Variants in PRKG1 observed in about 807,000 individuals in gnomAD.
PRKG1 encodes the protein protein kinase cGMP-dependent 1.
PRKG1 carries 35 observed loss-of-function variants against 88.1 expected under a neutral mutation model. The ratio of observed to expected loss-of-function variants is 0.40; its 90% CI spans 0.30 to 0.53. PRKG1 has a LOEUF of 0.53. Ranked by LOEUF, PRKG1 falls within the 20% of genes least tolerant of loss-of-function variation. The pLI is 0.59. For synonymous variants in PRKG1, 303 were observed against 292.5 expected (o/e 1.04, Z -0.37); for missense variants, 540 against 839.8 (o/e 0.64, Z 4.41).
At chr10:51,935,684 A>T (rs1156846666) in intron 5 of PRKG1, among the ~76,000 whole-genome samples, 1 of 151,896 alleles carries the variant, frequency 6.6e-6, no homozygotes, top group African/African-American at 2.4e-5. Flanking sequence ...ATTTAATATG[A>T]CTCATAATTT....
chr10:51,991,684 T>C (rs889767208), intron 5 of PRKG1, among the ~76,000 whole-genome samples: 11 of 152,206 alleles, frequency 7.2e-5, no homozygotes, highest in African/African-American at 2.4e-4. Context: ...TCCAGCTTCA[T>C]CCATATCCCT....
intron 3 of PRKG1, among the ~76,000 whole-genome samples, chr10:51,801,610 C>G (rs1839175550): frequency 6.6e-6 from 1 of 152,112 alleles, no homozygotes. Context: ...ACATATGCTT[C>G]CCAATATTCT....
At chr10:51,456,312 A>G (rs1349004778) in intron 2 of PRKG1, among the ~76,000 whole-genome samples, 4 of 152,188 alleles carry the variant, frequency 2.6e-5, no homozygotes, top group Non-Finnish European at 4.4e-5. Flanking sequence ...ATTCAAGATG[A>G]GATTTGGGTG....
intron 5 of PRKG1, among the ~76,000 whole-genome samples, chr10:52,008,274 A>T (rs1021035656): frequency 1.3e-5 from 2 of 152,104 alleles, no homozygotes; most frequent in African/African-American, 4.8e-5. Context: ...AAATAATCAA[A>T]ATCAGAGCTG....
At position 51,831,930 on chromosome 10, in the gene PRKG1, G is replaced by A. The variant is rs111368913; in HGVS notation, c.698+27240G>A. Among the ~76,000 whole-genome samples the A allele has an allele frequency of 2.7e-4, 41 of 151,656 alleles. 3 individuals carry two copies. The highest frequency in any genetic ancestry group is 6.8e-3 in the Middle Eastern group (2 of 292). Reference sequence around the variant, plus strand: ...TTGGTAGGAATTCTCTCTAGTTGGTGGGATTATGGATGACTTATTTTTCCG... The same window carrying A: ...TTGGTAGGAATTCTCTCTAGTTGGTAGGATTATGGATGACTTATTTTTCCG... On this transcript the variant is annotated intron_variant, in intron 4 of 17. Coordinates refer to ENST00000373980, the MANE Select transcript of PRKG1 (RefSeq NM_006258.4).
At chr10:51,051,755 CCTG>C (rs1201415157) in intron 1 of PRKG1, among the ~76,000 whole-genome samples, 1 of 152,066 alleles carries the variant, frequency 6.6e-6, no homozygotes, top group East Asian at 1.9e-4. Context: ...AATACACTGG[CCTG>C]CTATCACCTA....
At chr10:51,920,036 C>T (rs924116616) in intron 5 of PRKG1, among the ~76,000 whole-genome samples, 3 of 152,090 alleles carry the variant, frequency 2.0e-5, no homozygotes, top group Non-Finnish European at 4.4e-5. Context: ...TTTATTACCA[C>T]AACTAGATTA....
intron 9 of PRKG1, among the ~76,000 whole-genome samples, chr10:52,209,730 C>T (rs375341692): frequency 2.6e-5 from 4 of 152,050 alleles, no homozygotes; most frequent in East Asian, 1.9e-4. Context: ...CAGCACCATC[C>T]ATCCCCTTCT....
At chr10:51,613,102 A>T (rs114983650) in intron 3 of PRKG1, among the ~76,000 whole-genome samples, 6,091 of 151,494 alleles carry the variant, frequency 0.04, 171 homozygotes, top group Middle Eastern at 0.088. Flanking sequence ...TGATATTAGT[A>T]CTTCTTTATA....
At chr10:51,585,975 A>C (rs1201679999) in intron 3 of PRKG1, among the ~76,000 whole-genome samples, 5 of 152,052 alleles carry the variant, frequency 3.3e-5, no homozygotes, top group African/African-American at 1.2e-4. Flanking sequence ...GGACTAGTAG[A>C]GTGGGGAGGT....
intron 3 of PRKG1, among the ~76,000 whole-genome samples, chr10:51,739,350 G>T (rs1325883932): frequency 6.6e-6 from 1 of 152,094 alleles, no homozygotes; most frequent in Non-Finnish European, 1.5e-5. Context: ...AAACCTAACA[G>T]TATTTACTGT....
In PRKG1 at chr10:51,472,844, G is replaced by A. The variant is rs75940564; in HGVS notation, c.592+5008G>A. On this transcript the variant is annotated intron_variant, in intron 3 of 17. Coordinates refer to ENST00000373980, the MANE Select transcript of PRKG1 (RefSeq NM_006258.4). Reference sequence around the variant, plus strand: ...TAACTGGGCTAATGAGACAGTCTCTGTTCTGCCTTTGAGAGGTAAGTTGAA... The same window carrying A: ...TAACTGGGCTAATGAGACAGTCTCTATTCTGCCTTTGAGAGGTAAGTTGAA... Among the ~76,000 whole-genome samples, 93 of 152,036 alleles carry A rather than the reference G, an allele frequency of 6.1e-4. No homozygotes were observed. The East Asian group carries it at 0.012, about 20-fold the overall frequency.
intron 9 of PRKG1, among the ~76,000 whole-genome samples, chr10:52,218,349 A>G (rs1024872600): frequency 1.3e-5 from 2 of 152,114 alleles, no homozygotes; most frequent in Non-Finnish European, 2.9e-5. Context: ...TTGAGGTAGC[A>G]AGCACAAGGC....
chr10:51,395,840 T>A (rs968355808), intron 2 of PRKG1, among the ~76,000 whole-genome samples: 27 of 152,138 alleles, frequency 1.8e-4, no homozygotes, highest in Non-Finnish European at 3.1e-4. Context: ...AATCTAAAGC[T>A]AGATGACCCT....
intron 3 of PRKG1, among the ~76,000 whole-genome samples, chr10:51,595,910 C>A (rs1038160690): frequency 3.3e-5 from 5 of 152,026 alleles, no homozygotes; most frequent in Non-Finnish European, 5.9e-5. Context: ...TCTTGGCTCA[C>A]TGCAACCTCT....
intron 3 of PRKG1, among the ~76,000 whole-genome samples, chr10:51,593,985 C>T (rs4935019): frequency 0.14 from 21,960 of 151,940 alleles, 1,706 homozygotes; most frequent in African/African-American, 0.2. Flanking sequence ...CTTGGCCTCC[C>T]AAAGTGTTGT....
At chr10:51,763,804 T>C (rs56290704) in intron 3 of PRKG1, among the ~76,000 whole-genome samples, 3,310 of 152,270 alleles carry the variant, frequency 0.022, 120 homozygotes, top group African/African-American at 0.075. Context: ...CAAGGGGCTG[T>C]ACTTAGTGAG....
intron 2 of PRKG1, among the ~76,000 whole-genome samples, chr10:51,457,921 C>A (rs1161867084): frequency 6.6e-6 from 1 of 152,154 alleles, no homozygotes; most frequent in Admixed American, 6.5e-5. Context: ...ACTTTCAAAG[C>A]AAGTCCTCTC....
chr10:52,166,468 C>G (rs893427955), intron 9 of PRKG1, among the ~76,000 whole-genome samples: 1 of 124,470 alleles, frequency 8.0e-6, no homozygotes, highest in African/African-American at 3.0e-5. Context: ...GAGTCTCGCT[C>G]TGTCGCCCAG....
Sources: gnomAD v4.1 joint callset for allele counts (sites outside exome capture counted in the v4.1 genomes callset) on GRCh38, gnomAD v4.1.1 for gene constraint, MANE v1.5 for transcripts, NCBI Gene and HGNC (gene_info 2026-07-23, HGNC 2026-07-21) for gene names.